PRKAG2: variants seen among roughly 807,000 people sequenced by gnomAD.
PRKAG2 encodes the protein protein kinase AMP-activated non-catalytic subunit gamma 2, also known as 5'-AMP-activated protein kinase subunit gamma-2.
A neutral mutation model predicts 69.6 loss-of-function variants in PRKAG2; 26 were observed. That is an observed-to-expected ratio of 0.37 (90% confidence interval 0.27 to 0.52). The LOEUF is 0.52. Ranked by LOEUF, PRKAG2 falls within the 20% of genes least tolerant of loss-of-function variation. PRKAG2 has a pLI of 0.90. For synonymous variants in PRKAG2, 293 were observed against 285.0 expected, an observed-to-expected ratio of 1.03 and a Z score of -0.28; for missense variants, 557 against 740.0, an observed-to-expected ratio of 0.75 and a Z score of 2.87.
At chr7:151,855,467 CCAT>C (rs2079736550) in intron 1 of PRKAG2, among the ~76,000 whole-genome samples, 1 of 15,592 alleles carries the variant, frequency 6.4e-5, no homozygotes, top group Non-Finnish European at 1.2e-4. Context: ...TCCACACACA[CCAT>C]GCTCCACACA....
At chr7:151,691,024 G>A (rs187824867) in intron 3 of PRKAG2, among the ~76,000 whole-genome samples, 13 of 152,220 alleles carry the variant, frequency 8.5e-5, no homozygotes, top group Admixed American at 5.9e-4. Context: ...TTTAAAATAC[G>A]CCGTTAAGAA....
chr7:151,870,991 C>A (rs2080208116), intron 1 of PRKAG2, among the ~76,000 whole-genome samples: 1 of 152,230 alleles, frequency 6.6e-6, no homozygotes, highest in Admixed American at 6.5e-5. Context: ...TCAGCAGCAA[C>A]CATCTGAACT....
At chr7:151,675,011 A>G (rs923114657) in intron 4 of PRKAG2, 10 of 336,080 alleles carry the variant, frequency 3.0e-5, no homozygotes, top group African/African-American at 6.5e-5. Flanking sequence ...AGTGTCTGCC[A>G]TCTAGGTTTA....
At chr7:151,618,368 G>A (rs1041947464) in intron 5 of PRKAG2, among the ~76,000 whole-genome samples, 5 of 151,938 alleles carry the variant, frequency 3.3e-5, no homozygotes, top group South Asian at 4.2e-4. Context: ...CAGGAGAATC[G>A]CTTGAACCGA....
chr7:151,573,165 T>G lies in PRKAG2; in HGVS notation c.1006-456A>C, dbSNP rs536541681. ...GAGAAAAAAATGTATCTCAAGTTTT[T>G]TTTTTTTTTTGAGACAAGGTCTCAT... On this transcript the variant is annotated intron_variant, in intron 8 of 15. Transcript: ENST00000287878. 3.3e-5 allele frequency among the ~76,000 whole-genome samples: 5 copies of G among 151,682 alleles called. No individual in the cohort carries two copies. In the East Asian group the frequency reaches 5.8e-4, roughly 18 times the overall value.
At chr7:151,843,376 C>A (rs909687730) in intron 1 of PRKAG2, among the ~76,000 whole-genome samples, 2 of 152,118 alleles carry the variant, frequency 1.3e-5, no homozygotes, top group African/African-American at 4.8e-5. Flanking sequence ...GCCAACCATT[C>A]CTAAGGAATA....
chr7:151,766,331 A>C (rs2075731408), intron 3 of PRKAG2, among the ~76,000 whole-genome samples: 2 of 152,290 alleles, frequency 1.3e-5, no homozygotes, highest in Admixed American at 1.3e-4. Flanking sequence ...GAGGTGGGGG[A>C]GAAACTTACA....
chr7:151,680,301 G>C (rs974377004), intron 3 of PRKAG2, among the ~76,000 whole-genome samples: 1 of 152,164 alleles, frequency 6.6e-6, no homozygotes, highest in Non-Finnish European at 1.5e-5. Flanking sequence ...GCCTGGAGAC[G>C]CAGAGGCTCG....
At chr7:151,865,762 G>A (rs902269458) in intron 1 of PRKAG2, among the ~76,000 whole-genome samples, 5 of 152,220 alleles carry the variant, frequency 3.3e-5, no homozygotes, top group Non-Finnish European at 4.4e-5. Flanking sequence ...GCTCACGCCT[G>A]TAATCCCAGC....
chr7:151,814,807 C>T lies in PRKAG2; in HGVS notation c.115-28266G>A. ...TGCAGGCAGAGCTCGGGCAGATTCCCCCATTGACGGGACTGCAGCAAACTG... is the reference window on the plus strand; with the variant it reads ...TGCAGGCAGAGCTCGGGCAGATTCCTCCATTGACGGGACTGCAGCAAACTG... On this transcript the variant is annotated intron_variant, in intron 1 of 15. Coordinates refer to ENST00000287878, the MANE Select transcript of PRKAG2 (RefSeq NM_016203.4). This position sits in a 1 kb window ranked among gnomAD's most constrained non-coding sequence, Gnocchi z 4.8. 8.1e-7 allele frequency: 1 copy of T among 1,231,832 alleles called. No homozygotes were observed. Among genetic ancestry groups the T allele is most frequent in the Non-Finnish European group, 1.0e-6 (1 of 988,030 alleles). 76.3% of individuals were successfully genotyped at this position (1,231,832 alleles called of 1,614,324 possible).
chr7:151,557,632 G>A (rs1417436908), intron 15 of PRKAG2: 1 of 836,716 alleles, frequency 1.2e-6, no homozygotes, highest in Non-Finnish European at 1.4e-6. Flanking sequence ...CACTTTGGGA[G>A]GCCGAGGCGG....
At position 151,641,135 on chromosome 7, in the gene PRKAG2, G is replaced by A. The variant is rs1404113128; in HGVS notation, c.685-8997C>T. On this transcript the variant is annotated intron_variant, in intron 4 of 15. Coordinates refer to ENST00000287878, the MANE Select transcript of PRKAG2 (RefSeq NM_016203.4). ...TTTATTGTAATAGATTCTATCTGAGGACCAAAGTTCGCTGGCAGTATGAGA... is the reference window on the plus strand; with the variant it reads ...TTTATTGTAATAGATTCTATCTGAGAACCAAAGTTCGCTGGCAGTATGAGA... Among the ~76,000 whole-genome samples, 12 of 152,062 alleles carry A rather than the reference G, an allele frequency of 7.9e-5. No individual in the cohort carries two copies. In the East Asian group the frequency reaches 2.3e-3, roughly 29 times the overall value.
chr7:151,559,030 C>CT (rs1053641699), intron 15 of PRKAG2: 1 of 985,318 alleles, frequency 1.0e-6, no homozygotes, highest in African/African-American at 1.7e-5. Context: ...AACGGGGCAT[C>CT]TTTTTCTGAA....
Position 151,675,578 on chromosome 7 carries a change from G to C in PRKAG2, c.526C>G (p.Pro176Ala). ...PTQVTKQHTFPLESYKHEPER... is the reference protein window; with the variant it reads ...PTQVTKQHTFALESYKHEPER... ...GGCTCGTGCTTATAGGATTCCAGGG[G>C]AAACGTGTGCTGCTTGGTCACTTGG... Residue 176 changes from proline to alanine, a missense_variant, in exon 4 of 16, where the codon CCC (proline) becomes GCC (alanine). Physicochemically the swap from Pro to Ala is conservative, Grantham distance 27. Coordinates refer to ENST00000287878, the MANE Select transcript of PRKAG2 (RefSeq NM_016203.4). 3 of 1,614,190 alleles carry C rather than the reference G, an allele frequency of 1.9e-6. No individual in the cohort carries two copies. The highest frequency in any genetic ancestry group is 2.5e-6 in the Non-Finnish European group (3 of 1,180,016).
intron 11 of PRKAG2, 132 bp downstream of exon 11, chr7:151,568,584 C>A: frequency 1.1e-6 from 1 of 941,416 alleles, no homozygotes; most frequent in Non-Finnish European, 1.6e-6. Context: ...AGTTGAGAAA[C>A]TGAAGTTTAG....
At chr7:151,696,397 G>A (rs1165584523) in intron 3 of PRKAG2, among the ~76,000 whole-genome samples, 1 of 152,210 alleles carries the variant, frequency 6.6e-6, no homozygotes, top group Non-Finnish European at 1.5e-5. Flanking sequence ...ACAGGACCTT[G>A]TGGTGGATGT....
intron 3 of PRKAG2, among the ~76,000 whole-genome samples, chr7:151,766,523 G>T (rs2075743050): frequency 1.3e-5 from 2 of 152,254 alleles, no homozygotes; most frequent in African/African-American, 4.8e-5. Context: ...AGTCCCAGGA[G>T]AGAGTAAAAG....
intron 4 of PRKAG2, among the ~76,000 whole-genome samples, chr7:151,646,228 A>C (rs1827539647): frequency 6.6e-6 from 1 of 152,162 alleles, no homozygotes; most frequent in Non-Finnish European, 1.5e-5. Flanking sequence ...AATAAAACCT[A>C]CTGGAATCTT....
chr7:151,824,900 G>A (rs989293113), intron 1 of PRKAG2, among the ~76,000 whole-genome samples: 1 of 152,160 alleles, frequency 6.6e-6, no homozygotes, highest in Non-Finnish European at 1.5e-5. Context: ...AATAAACTCA[G>A]TGTAACTTAT....
Sources: allele counts gnomAD v4.1 joint callset (sites outside exome capture counted in the v4.1 genomes callset), GRCh38; gene constraint gnomAD v4.1.1; non-coding constraint Gnocchi (gnomAD v3.1); transcripts MANE v1.5; gene names NCBI Gene and HGNC (gene_info 2026-07-23, HGNC 2026-07-21).